The following FAT2 variants were observed in gnomAD, a reference collection of about 807,000 sequenced individuals.
The protein encoded by FAT2 is protocadherin Fat 2.
Under a neutral mutation model 295.3 loss-of-function variants are expected in FAT2, and 150 were observed. The observed-to-expected ratio is 0.51, with a 90% CI of 0.44 to 0.58. The LOEUF (loss-of-function observed/expected upper bound fraction) is 0.58. FAT2 is among the 20% of genes least tolerant of loss of function. The pLI, the probability that FAT2 is intolerant of heterozygous loss-of-function variation, is 0.00. For missense variants in FAT2, 4,868 were observed against 5,442.7 expected (o/e 0.89, Z 3.32); for synonymous variants, 2,026 against 2,150.3 (o/e 0.94, Z 1.60).
chr5:151,580,188 C>T (rs1413057764), intron 1 of FAT2, among the ~76,000 whole-genome samples: 1 of 152,236 alleles, frequency 6.6e-6, no homozygotes, highest in African/African-American at 2.4e-5. Flanking sequence ...ACCCCAGCTC[C>T]ACTGTCAACC....
rs200793148 is a variant in FAT2, at chr5:151,556,173, A to G, written c.3633+171T>C. ...ACAGTTTCAGACTCCTTCCCTTCTC[A>G]GTGCTGAGGAGCTAGCAAAGATCCA... On this transcript the variant is annotated intron_variant, in intron 4 of 23. Coordinates refer to ENST00000261800, the MANE Select transcript of FAT2 (RefSeq NM_001447.3). The G allele has an allele frequency of 5.4e-4, 338 of 629,446 alleles. 1 individual carries two copies. In the East Asian group the frequency reaches 9.3e-3, roughly 17 times the overall value. The allele number at this position is 629,446 out of a possible 1,614,324, so 39.0% of individuals were successfully genotyped here.
In FAT2 at chr5:151,541,876, A is replaced by G. The variant is rs7720653; in HGVS notation, c.8842+409T>C. Among the ~76,000 whole-genome samples, 992 of 152,326 alleles carry G rather than the reference A, an allele frequency of 6.5e-3. 10 individuals carry two copies. Among genetic ancestry groups the G allele is most frequent in the African/African-American group, 0.023 (955 of 41,566 alleles). On this transcript the variant is annotated intron_variant, in intron 10 of 23. Coordinates refer to ENST00000261800, the MANE Select transcript of FAT2 (RefSeq NM_001447.3). ...TGTGATTGACTAAGAAGCATTTTCT[A>G]TCATTCACAACTTTACCTGGGTAGG...
rs55891910 is a variant in FAT2, at chr5:151,528,221, G to A, written c.10027-88C>T. On this transcript the variant is annotated intron_variant, in intron 15 of 23. Transcript: ENST00000261800. ...GGGAAACAGATATGTCCCTGCCCCA[G>A]TGACTGCCTTTGGGCTAGCAGTGCC... 1,861 of 1,506,562 alleles carry A rather than the reference G, an allele frequency of 1.2e-3. 4 individuals carry two copies. The highest frequency in any genetic ancestry group is 1.4e-3 in the Non-Finnish European group (1,498 of 1,106,690). The allele number at this position is 1,506,562 out of a possible 1,614,324, so 93.3% of individuals were successfully genotyped here.
rs2127584204 is a variant in FAT2, at chr5:151,525,841, G to A, written c.10433C>T (p.Thr3478Ile). The A allele has an allele frequency of 2.5e-6, 4 of 1,614,044 alleles. No individual in the cohort carries two copies. Among genetic ancestry groups the A allele is most frequent in the Non-Finnish European group, 3.4e-6 (4 of 1,179,942 alleles). The change falls in exon 18 of 24, where the codon ACC (threonine) becomes ATC (isoleucine). Residue 3478 changes from threonine (T) to isoleucine (I), a missense_variant. By Grantham distance (89) the Thr-to-Ile change is moderately conservative. Coordinates refer to ENST00000261800, the MANE Select transcript of FAT2 (RefSeq NM_001447.3). Reference sequence around the variant, plus strand: ...AGCAGTCACCAGCCATCCATCCGGGGTCACTCGGAAGGCAGAGCCGTTGTT... The same window carrying A: ...AGCAGTCACCAGCCATCCATCCGGGATCACTCGGAAGGCAGAGCCGTTGTT... Reference protein sequence around the residue: ...KGNNGSAFRVTPDGWLVTAEG... With the variant: ...KGNNGSAFRVIPDGWLVTAEG...
At chr5:151,592,358 C>T (rs2127668022), upstream of FAT2, among the ~76,000 whole-genome samples, 1 of 152,280 alleles carries the variant, frequency 6.6e-6, no homozygotes, top group Non-Finnish European at 1.5e-5. Flanking sequence ...GCCCTGGGGA[C>T]ACAGAGGTAA....
intron 1 of FAT2, among the ~76,000 whole-genome samples, chr5:151,588,839 A>C (rs6889056): frequency 0.032 from 4,820 of 152,280 alleles, 241 homozygotes; most frequent in African/African-American, 0.11. Context: ...ATAAGGCCCT[A>C]CACATTTCTT....
rs142833874 is a variant in FAT2, at chr5:151,577,467, G to A, written c.-20-8516C>T. Among the ~76,000 whole-genome samples, 13 of 152,324 alleles carry A rather than the reference G, an allele frequency of 8.5e-5. No homozygotes were observed. In the East Asian group the frequency reaches 2.5e-3, roughly 29 times the overall value. On this transcript the variant is annotated intron_variant, in intron 1 of 23. Coordinates refer to ENST00000261800, the MANE Select transcript of FAT2 (RefSeq NM_001447.3). ...GTGGGTACTGTATTCTAGTAGCAGA[G>A]AGAGACAATAAACAAGAAAATATTG... is the stretch of plus-strand genomic sequence containing the variant.
upstream of FAT2, among the ~76,000 whole-genome samples, chr5:151,594,054 G>T (rs953242634): frequency 7.2e-5 from 11 of 152,138 alleles, no homozygotes; most frequent in Non-Finnish European, 1.2e-4. Flanking sequence ...CACTCTGCAT[G>T]AATTATCTAA....
intron 3 of FAT2, among the ~76,000 whole-genome samples, chr5:151,557,083 G>A (rs1289441260): frequency 6.6e-6 from 1 of 152,190 alleles, no homozygotes; most frequent in African/African-American, 2.4e-5. Context: ...CCTCCCGTCA[G>A]GATGGTTGCC....
intron 4 of FAT2, among the ~76,000 whole-genome samples, chr5:151,555,850 T>TC (rs1214923055): frequency 6.6e-6 from 1 of 152,130 alleles, no homozygotes; most frequent in Non-Finnish European, 1.5e-5. Context: ...CTGATCTGCT[T>TC]CTCTTCTGAT....
In FAT2 at chr5:151,587,167, A is replaced by C. The variant is rs187629176; in HGVS notation, c.-21+3998T>G. Among the ~76,000 whole-genome samples the C allele has an allele frequency of 1.5e-3, 125 of 83,374 alleles. 2 individuals are homozygous for C. Among genetic ancestry groups the C allele is most frequent in the African/African-American group, 6.8e-3 (115 of 16,898 alleles). 54.7% of individuals were successfully genotyped at this position (83,374 alleles called of 152,430 possible). A position where few individuals can be genotyped will look rare whatever the true frequency, so the allele number is the denominator to read the frequency against. ...AAAAAAACAAAAAACAAAACAAAACAAAAAAAAAACAAAAAAACCCAACAT... is the reference window on the plus strand; with the variant it reads ...AAAAAAACAAAAAACAAAACAAAACCAAAAAAAAACAAAAAAACCCAACAT... On this transcript the variant is annotated intron_variant, in intron 1 of 23. Transcript: ENST00000261800.
In FAT2 at chr5:151,534,419, A is replaced by T; in HGVS notation, c.9417T>A (p.Asp3139Glu). ...CCTTCTCAGACTCACCTTGGTCGGG[A>T]TCCCGGGCAAATACTACAGCCACAG... Reference protein sequence around the residue: ...KTPVAVVFARDPDQGANAQVV... With the variant: ...KTPVAVVFAREPDQGANAQVV... Residue 3139 changes from aspartate (D) to glutamate (E), a missense_variant, in exon 13 of 24, where the codon GAT becomes GAA. This residue lies in a region of FAT2 where 1,046 missense variants were observed against 1,210.1 expected (regional missense o/e 0.86). Transcript: ENST00000261800. The T allele has an allele frequency of 1.2e-6, 2 of 1,606,970 alleles. No homozygotes were observed. Among genetic ancestry groups the T allele is most frequent in the Non-Finnish European group, 1.7e-6 (2 of 1,175,106 alleles).
In FAT2 at chr5:151,546,287, G is replaced by C. The variant is rs138213541; in HGVS notation, c.4840C>G (p.Leu1614Val). ...TTTGCCTGATCAAGCTTTTGAGCTAGAGTAATGATGCCTAGCAGGGCATTG... is the reference window on the plus strand; with the variant it reads ...TTTGCCTGATCAAGCTTTTGAGCTACAGTAATGATGCCTAGCAGGGCATTG... ...NINALLGIITLAQKLDQANHA... is the reference protein window; with the variant it reads ...NINALLGIITVAQKLDQANHA... Residue 1614 changes from leucine (L) to valine (V), a missense_variant, in exon 10 of 24, where the codon CTA (leucine) becomes GTA (valine). Leu to Val is a conservative substitution (Grantham distance 32). Transcript: ENST00000261800. 2,473 of 1,614,076 alleles carry C rather than the reference G, an allele frequency of 1.5e-3. 37 individuals carry two copies. In the African/African-American group the frequency reaches 0.028, roughly 18 times the overall value.
At chr5:151,551,145 A>G (rs1757161167) in intron 7 of FAT2, among the ~76,000 whole-genome samples, 1 of 152,198 alleles carries the variant, frequency 6.6e-6, no homozygotes, top group East Asian at 1.9e-4. Flanking sequence ...AACAGATAAA[A>G]CACTGGCTGA....
chr5:151,522,132 C>T, intron 18 of FAT2, 46 bp from the exon 19 acceptor site: 1 of 1,435,218 alleles, frequency 7.0e-7, no homozygotes, highest in Non-Finnish European at 9.4e-7. Flanking sequence ...AACTGCAGTG[C>T]TCTTGCGCCC....
At chr5:151,553,801 A>C (rs1757438746) in intron 5 of FAT2, among the ~76,000 whole-genome samples, 1 of 152,220 alleles carries the variant, frequency 6.6e-6, no homozygotes, top group South Asian at 2.1e-4. Context: ...TATCTGATTT[A>C]ATCCTCACAA....
At chr5:151,523,911 G>A (rs983570093) in intron 18 of FAT2, among the ~76,000 whole-genome samples, 5 of 152,148 alleles carry the variant, frequency 3.3e-5, no homozygotes, top group African/African-American at 1.2e-4. Context: ...AAGTCTTCAT[G>A]GGAGCCAACA....
rs1180146171 is a variant in FAT2, at chr5:151,521,901, C to T, written c.10692G>A (p.Leu3564=). ...TCTCCTCTTCTGCCAGGCTATAGGT[C>T]AGCGTGTCCTGGGGGTCTCGGTCTG... ...HATDRDPQDT[L]TYSLAEEETL... The change falls in exon 19 of 24, where the codon CTG becomes CTA. Residue 3564 remains leucine, a synonymous_variant. Coordinates refer to ENST00000261800, the MANE Select transcript of FAT2 (RefSeq NM_001447.3). 1.2e-6 allele frequency: 2 copies of T among 1,613,800 alleles called. No individual in the cohort carries two copies. Among genetic ancestry groups the T allele is most frequent in the East Asian group, 2.2e-5 (1 of 44,882 alleles).
At position 151,589,195 on chromosome 5, in the gene FAT2, G is replaced by C. The variant is rs577777692; in HGVS notation, c.-21+1970C>G. 2.4e-4 allele frequency among the ~76,000 whole-genome samples: 36 copies of C among 152,188 alleles called. No individual in the cohort carries two copies. In the Middle Eastern group the frequency reaches 0.014, roughly 58 times the overall value. On this transcript the variant is annotated intron_variant, in intron 1 of 23. Coordinates refer to ENST00000261800, the MANE Select transcript of FAT2 (RefSeq NM_001447.3). Reference sequence around the variant, plus strand: ...TCCAAAAGACAGGGTTTATCCAGGGGGTACAGGCATGTCCCCAACCGTACC... The same window carrying C: ...TCCAAAAGACAGGGTTTATCCAGGGCGTACAGGCATGTCCCCAACCGTACC...
Sources: allele counts gnomAD v4.1 joint callset (sites outside exome capture counted in the v4.1 genomes callset), GRCh38; gene constraint gnomAD v4.1.1; regional missense constraint gnomAD v4.1.1; transcripts MANE v1.5; gene names NCBI Gene and HGNC (gene_info 2026-07-23, HGNC 2026-07-21).